The following MAGED1 variants were observed in gnomAD, a reference collection of about 807,000 sequenced individuals.
MAGED1 encodes the protein melanoma-associated antigen D1.
In MAGED1, 3 loss-of-function variants were observed where a neutral mutation model predicts 54.1. The observed-to-expected ratio is 0.06, with a 90% confidence interval of 0.03 to 0.14. The LOEUF is 0.14. Among genes scored for constraint, MAGED1 ranks in the 10% least tolerant of loss-of-function variants. The pLI is 1.00. For synonymous variants in MAGED1, 217 were observed against 227.3 expected (o/e 0.95, Z 0.41); for missense variants, 485 against 623.4 (o/e 0.78, Z 2.36).
At chrX:51,860,865 G>T (rs781874574) in intron 1 of MAGED1, among the ~76,000 whole-genome samples, 1 of 110,842 alleles carries the variant, frequency 9.0e-6, no homozygotes, top group African/African-American at 3.3e-5. Flanking sequence ...CAGCATTCTT[G>T]TTCTGCCCTC....
chrX:51,806,790 A>T (rs1033778655), intron 1 of MAGED1, among the ~76,000 whole-genome samples: 18 of 99,449 alleles, frequency 1.8e-4, no homozygotes, highest in Non-Finnish European at 2.8e-4. Context: ...TCCTAACATA[A>T]TTTTTTTTTT....
chrX:51,807,842 T>C (rs781831494), intron 1 of MAGED1, among the ~76,000 whole-genome samples: 16 of 112,262 alleles, frequency 1.4e-4, no homozygotes, highest in Admixed American at 1.0e-3. Flanking sequence ...TGTATGGTTA[T>C]GTGAGTCTTA....
chrX:51,902,243 G>A lies in MAGED1; in HGVS notation c.*106G>A, dbSNP rs782072354. On this transcript the variant is annotated 3_prime_UTR_variant, in exon 13 of 13. Transcript: ENST00000326587. ...TCTAGAGAGCCACATCCTGTTGACT[G>A]AAAGTGGCATGCAAGATAAATTTAT... 7.9e-5 allele frequency: 17 copies of A among 214,338 alleles called. No homozygotes were observed. Among genetic ancestry groups the A allele is most frequent in the Middle Eastern group, 1.4e-3 (1 of 692 alleles). 17.7% of individuals were successfully genotyped at this position (214,338 alleles called of 1,213,427 possible).
At position 51,897,567 on chromosome X, in the gene MAGED1, C is replaced by T; in HGVS notation, c.1507C>T (p.Arg503Cys). The T allele has an allele frequency of 8.3e-7, 1 of 1,205,513 alleles. No homozygotes were observed. The change falls in exon 6 of 13, where the codon CGT (arginine) becomes TGT (cysteine). Residue 503 changes from arginine (R) to cysteine (C), a missense_variant. Arg to Cys is a radical substitution (Grantham distance 180). This residue lies in a region of MAGED1 where 186 missense variants were observed against 330.3 expected (regional missense o/e 0.56). Transcript: ENST00000326587. Reference protein sequence around the residue: ...KRSEMLRDIIREYTDVYPEII... With the variant: ...KRSEMLRDIICEYTDVYPEII... ...TACAGAAATGCTGAGAGATATCATC[C>T]GTGAATACACTGATGTTTATCCAGA...
chrX:51,828,610 G>A (rs2146962208), intron 1 of MAGED1, among the ~76,000 whole-genome samples: 1 of 110,596 alleles, frequency 9.0e-6, no homozygotes, highest in Non-Finnish European at 1.9e-5. Flanking sequence ...TTCCCATGTG[G>A]CCTCAGTTCT....
chrX:51,884,826 A>G (rs1557362723), intron 1 of MAGED1, among the ~76,000 whole-genome samples: 1 of 112,574 alleles, frequency 8.9e-6, no homozygotes, highest in African/African-American at 3.2e-5. Flanking sequence ...TAAATCCAGC[A>G]ATGTAATCCA....
intron 1 of MAGED1, among the ~76,000 whole-genome samples, chrX:51,831,820 A>G (rs1428469930): frequency 9.1e-6 from 1 of 110,044 alleles, no homozygotes; most frequent in Non-Finnish European, 1.9e-5. Flanking sequence ...ATCTTCTCCC[A>G]CTTTGCAGGC....
chrX:51,834,865 C>T (rs1557357785), intron 1 of MAGED1, among the ~76,000 whole-genome samples: 1 of 111,891 alleles, frequency 8.9e-6, no homozygotes, highest in African/African-American at 3.2e-5. Flanking sequence ...AAATGCTCTT[C>T]TAAATGTTCT....
intron 1 of MAGED1, among the ~76,000 whole-genome samples, chrX:51,835,811 G>A (rs933342415): frequency 8.1e-5 from 9 of 111,594 alleles, no homozygotes; most frequent in African/African-American, 2.9e-4. Context: ...GGATCTGCCA[G>A]GTGAAAAGTA....
intron 1 of MAGED1, among the ~76,000 whole-genome samples, chrX:51,869,329 A>G (rs1241214837): frequency 4.5e-5 from 5 of 111,533 alleles, no homozygotes; most frequent in African/African-American, 1.6e-4. Context: ...TGGTCTAAAG[A>G]CATTTTATTT....
intron 1 of MAGED1, among the ~76,000 whole-genome samples, chrX:51,841,121 G>A (rs1213948783): frequency 9.6e-6 from 1 of 103,814 alleles, no homozygotes; most frequent in Non-Finnish European, 2.0e-5. Flanking sequence ...TTTAATGATC[G>A]CCATTCTAAC....
At chrX:51,829,722 A>T (rs1557357240) in intron 1 of MAGED1, among the ~76,000 whole-genome samples, 1 of 111,718 alleles carries the variant, frequency 9.0e-6, no homozygotes, top group Non-Finnish European at 1.9e-5. Context: ...GGTCAATTGC[A>T]CTAATAACAA....
chrX:51,861,314 CA>C (rs1488190838), intron 1 of MAGED1, among the ~76,000 whole-genome samples: 1 of 111,639 alleles, frequency 9.0e-6, no homozygotes, highest in Non-Finnish European at 1.9e-5. Flanking sequence ...CAAAAAATAG[CA>C]GTATTAGCTT....
intron 1 of MAGED1, among the ~76,000 whole-genome samples, chrX:51,886,881 C>A (rs1020504549): frequency 1.8e-5 from 2 of 110,082 alleles, no homozygotes; most frequent in African/African-American, 3.3e-5. Context: ...CATAGGGAGA[C>A]CACATCTCTA....
intron 2 of MAGED1, 160 bp from the exon 3 acceptor site, chrX:51,894,893 C>T: frequency 3.1e-6 from 3 of 954,834 alleles, no homozygotes; most frequent in Non-Finnish European, 4.3e-6. Context: ...CCCCCATCGC[C>T]CCTCGCGGGC....
chrX:51,852,369 A>G (rs1209431433), intron 1 of MAGED1, among the ~76,000 whole-genome samples: 2 of 112,121 alleles, frequency 1.8e-5, no homozygotes, highest in Non-Finnish European at 3.8e-5. Flanking sequence ...CATCTTCACA[A>G]GGGTTGGGAT....
chrX:51,880,411 A>G (rs1243779433), intron 1 of MAGED1, among the ~76,000 whole-genome samples: 1 of 111,842 alleles, frequency 8.9e-6, no homozygotes, highest in East Asian at 2.8e-4. Flanking sequence ...ACCCCAAAGC[A>G]GAGAGTGAGA....
chrX:51,866,266 T>C (rs1557361089), intron 1 of MAGED1, among the ~76,000 whole-genome samples: 2 of 112,307 alleles, frequency 1.8e-5, no homozygotes, highest in African/African-American at 6.5e-5. Flanking sequence ...TAATGTTTGT[T>C]TTTATGAATG....
intron 1 of MAGED1, among the ~76,000 whole-genome samples, chrX:51,849,248 C>T (rs1396688082): frequency 9.0e-6 from 1 of 111,184 alleles, no homozygotes; most frequent in African/African-American, 3.3e-5. Flanking sequence ...TGTGTGTCTG[C>T]TTCTAGGCTT....
Sources: gnomAD v4.1 joint callset for allele counts (sites outside exome capture counted in the v4.1 genomes callset) on GRCh38, gnomAD v4.1.1 for gene constraint, gnomAD v4.1.1 regional missense constraint, MANE v1.5 for transcripts, NCBI Gene and HGNC (gene_info 2026-07-23, HGNC 2026-07-21) for gene names.